HAO1: variants seen among roughly 807,000 people sequenced by gnomAD.
HAO1 encodes 2-Hydroxyacid oxidase 1.
Under a neutral mutation model 39.7 loss-of-function variants are expected in HAO1, and 34 were observed. The ratio of observed to expected loss-of-function variants is 0.86; its 90% CI spans 0.65 to 1.14. HAO1 has a LOEUF of 1.14. HAO1 is among the 50% of genes most tolerant of loss of function. The pLI, the probability that HAO1 is intolerant of heterozygous loss-of-function variation, is 0.00. For synonymous variants in HAO1, 172 were observed against 173.2 expected (o/e 0.99, Z 0.05); for missense variants, 479 against 464.5 (o/e 1.03, Z -0.29).
intron 3 of HAO1, among the ~76,000 whole-genome samples, chr20:7,909,381 A>ATATTATATATATATATATG (rs1555774036): frequency 1.4e-5 from 1 of 72,984 alleles, no homozygotes; most frequent in East Asian, 5.5e-4. Flanking sequence ...ATATATATGT[A>ATATTATATATATATATATG]TATATATATA....
At chr20:7,915,353 A>T (rs2050301993) in intron 2 of HAO1, among the ~76,000 whole-genome samples, 1 of 151,742 alleles carries the variant, frequency 6.6e-6, no homozygotes, top group Non-Finnish European at 1.5e-5. Context: ...GAATAAGAAG[A>T]AGGGGAAGGA....
chr20:7,889,267 T>C lies in HAO1; in HGVS notation c.814-3403A>G, dbSNP rs189463425. ...CTTAACAACCCAAATGCTTATTCTATAAAAATGTTTTGCCATTGATAATTT... is the reference window on the plus strand; with the variant it reads ...CTTAACAACCCAAATGCTTATTCTACAAAAATGTTTTGCCATTGATAATTT... On this transcript the variant is annotated intron_variant, in intron 5 of 7. Coordinates refer to ENST00000378789, the MANE Select transcript of HAO1 (RefSeq NM_017545.3). Among the ~76,000 whole-genome samples the C allele has an allele frequency of 2.3e-3, 345 of 152,276 alleles. 1 individual carries two copies. Among genetic ancestry groups the C allele is most frequent in the Middle Eastern group, 0.01 (3 of 294 alleles).
At chr20:7,912,070 G>A (rs1277927201) in intron 3 of HAO1, among the ~76,000 whole-genome samples, 5 of 152,170 alleles carry the variant, frequency 3.3e-5, no homozygotes, top group Admixed American at 3.3e-4. Flanking sequence ...GGTGTTTCCC[G>A]TGTTCCCTAT....
At chr20:7,934,984 A>T (rs1167448473) in intron 1 of HAO1, among the ~76,000 whole-genome samples, 2 of 152,224 alleles carry the variant, frequency 1.3e-5, no homozygotes, top group African/African-American at 2.4e-5. Context: ...TTCCCAAAAA[A>T]GTCCCCATTT....
At chr20:7,916,799 T>G (rs1391066902) in intron 2 of HAO1, among the ~76,000 whole-genome samples, 1 of 152,230 alleles carries the variant, frequency 6.6e-6, no homozygotes, top group Non-Finnish European at 1.5e-5. Context: ...GGTCATCATG[T>G]CTATAGATCA....
At chr20:7,916,780 T>C (rs2050308872) in intron 2 of HAO1, among the ~76,000 whole-genome samples, 2 of 152,240 alleles carry the variant, frequency 1.3e-5, no homozygotes, top group Non-Finnish European at 2.9e-5. Flanking sequence ...ACAGAAGATC[T>C]GAGTTGGAGG....
At chr20:7,899,312 G>T (rs970644256) in intron 4 of HAO1, among the ~76,000 whole-genome samples, 3 of 152,166 alleles carry the variant, frequency 2.0e-5, no homozygotes, top group Non-Finnish European at 4.4e-5. Flanking sequence ...TTTAGAAAGT[G>T]CCTGATACAT....
chr20:7,918,907 A>G (rs1321217833), intron 2 of HAO1, among the ~76,000 whole-genome samples: 2 of 152,230 alleles, frequency 1.3e-5, no homozygotes, highest in Non-Finnish European at 2.9e-5. Flanking sequence ...ATTGTCCACA[A>G]TGAAATTCTG....
intron 2 of HAO1, among the ~76,000 whole-genome samples, chr20:7,920,179 G>A (rs555671720): frequency 2.6e-5 from 4 of 152,138 alleles, no homozygotes; most frequent in South Asian, 2.1e-4. Context: ...GAGCTCACAC[G>A]AGATCTGATG....
chr20:7,905,869 T>C (rs2050245363), intron 4 of HAO1, among the ~76,000 whole-genome samples: 1 of 152,216 alleles, frequency 6.6e-6, no homozygotes, highest in Admixed American at 6.5e-5. Context: ...ACCAAGATCT[T>C]GCCAGGCTTC....
chr20:7,912,947 G>A (rs181714990), intron 3 of HAO1, among the ~76,000 whole-genome samples: 9 of 152,210 alleles, frequency 5.9e-5, no homozygotes, highest in African/African-American at 1.7e-4. Context: ...TCTCACATAG[G>A]CACAAACACA....
At chr20:7,936,557 CGCGCGCGCGT>C (rs1275794869) in intron 1 of HAO1, among the ~76,000 whole-genome samples, 1 of 92,412 alleles carries the variant, frequency 1.1e-5, no homozygotes, top group African/African-American at 4.5e-5. Context: ...TTCGCGCGCG[CGCGCGCGCGT>C]GCGTGCCAAA....
At chr20:7,900,750 G>A (rs142881874) in intron 4 of HAO1, among the ~76,000 whole-genome samples, 59 of 152,136 alleles carry the variant, frequency 3.9e-4, no homozygotes, top group African/African-American at 1.0e-3. Flanking sequence ...GCTTCTAAGC[G>A]CTCAAGGAAG....
chr20:7,914,549 G>T, intron 2 of HAO1, 130 bp from the exon 3 acceptor site: 1 of 941,910 alleles, frequency 1.1e-6, no homozygotes, highest in Non-Finnish European at 1.6e-6. Flanking sequence ...CTCTTAAAGA[G>T]AGAAGAAAGT....
In HAO1 at chr20:7,895,210, C is replaced by G; in HGVS notation, c.736G>C (p.Glu246Gln). 3.1e-6 allele frequency: 5 copies of G among 1,609,104 alleles called. No individual in the cohort carries two copies. The highest frequency in any genetic ancestry group is 2.6e-6 in the Non-Finnish European group (3 of 1,175,522). ...KGILRGDDAREAVKHGLNGIL... is the reference protein window; with the variant it reads ...KGILRGDDARQAVKHGLNGIL... ...CCATTCAAGCCATGTTTAACAGCCT[C>G]CCTGGCATCATCACCTGGAGAGAGT... Residue 246 changes from glutamate (E) to glutamine (Q), a missense_variant, in exon 5 of 8, where the codon GAG becomes CAG. Coordinates refer to ENST00000378789, the MANE Select transcript of HAO1 (RefSeq NM_017545.3).
At chr20:7,928,934 G>T (rs1260015806) in intron 2 of HAO1, among the ~76,000 whole-genome samples, 3 of 152,082 alleles carry the variant, frequency 2.0e-5, no homozygotes, top group Non-Finnish European at 4.4e-5. Context: ...TAAAATTTTG[G>T]AAGATTTGGC....
intron 2 of HAO1, 27 bp from the exon 3 acceptor site, chr20:7,914,446 T>C: frequency 1.2e-6 from 2 of 1,608,790 alleles, no homozygotes; most frequent in South Asian, 2.2e-5. Context: ...ATGATCAAGA[T>C]GGGCCTGGCA....
intron 4 of HAO1, among the ~76,000 whole-genome samples, chr20:7,905,272 C>T (rs189073005): frequency 8.4e-4 from 128 of 152,280 alleles, no homozygotes; most frequent in African/African-American, 3.0e-3. Context: ...TTTATAAGCT[C>T]ATTTCTTCAC....
chr20:7,922,200 C>T (rs780412137), intron 2 of HAO1, among the ~76,000 whole-genome samples: 6 of 152,054 alleles, frequency 3.9e-5, no homozygotes, highest in African/African-American at 7.2e-5. Flanking sequence ...ATGAAAGAAG[C>T]TCAGTATCAC....
Sources: gnomAD v4.1 joint callset for allele counts (sites outside exome capture counted in the v4.1 genomes callset) on GRCh38, gnomAD v4.1.1 for gene constraint, MANE v1.5 for transcripts, NCBI Gene and HGNC (gene_info 2026-07-23, HGNC 2026-07-21) for gene names.